Variants in HDAC9 observed in about 807,000 individuals in gnomAD.
HDAC9 encodes MEF-2 interacting transcription repressor (MITR) protein.
A neutral mutation model predicts 139.4 loss-of-function variants in HDAC9; 41 were observed. The observed-to-expected ratio is 0.29, with a 90% confidence interval of 0.23 to 0.38. The LOEUF is 0.38. Among genes scored for constraint, HDAC9 ranks in the 10% least tolerant of loss-of-function variants. The pLI, the probability that HDAC9 is intolerant of heterozygous loss-of-function variation, is 1.00. For synonymous variants in HDAC9, 517 were observed against 476.2 expected, an observed-to-expected ratio of 1.09 and a Z score of -1.12; for missense variants, 1,147 against 1,297.0, an observed-to-expected ratio of 0.88 and a Z score of 1.78.
intron 4 of HDAC9, among the ~76,000 whole-genome samples, chr7:18,591,237 T>A (rs927873095): frequency 1.3e-5 from 2 of 152,318 alleles, no homozygotes; most frequent in Non-Finnish European, 2.9e-5. Flanking sequence ...TTTTGGGAAT[T>A]CCCTCTTTGC....
chr7:18,848,392 G>C (rs1362456870), intron 21 of HDAC9, among the ~76,000 whole-genome samples: 4 of 152,016 alleles, frequency 2.6e-5, no homozygotes, highest in Non-Finnish European at 5.9e-5. Flanking sequence ...ATGGTGTTTG[G>C]AGCTGGGGCC....
chr7:18,087,510 A>G (rs1437959779), intron 1 of HDAC9, among the ~76,000 whole-genome samples: 2 of 152,150 alleles, frequency 1.3e-5, no homozygotes, highest in African/African-American at 2.4e-5. Flanking sequence ...CCCGCCCCCA[A>G]ACACACCCAG....
chr7:18,894,891 G>GA (rs1563031760), intron 22 of HDAC9, among the ~76,000 whole-genome samples: 1 of 152,096 alleles, frequency 6.6e-6, no homozygotes. Flanking sequence ...AGGAGCAGTT[G>GA]AAAAAGCAGA....
At chr7:18,152,312 G>A (rs1786841060) in intron 1 of HDAC9, among the ~76,000 whole-genome samples, 1 of 152,194 alleles carries the variant, frequency 6.6e-6, no homozygotes, top group African/African-American at 2.4e-5. Context: ...CTGAAGGTCA[G>A]AATGGTAAAT....
chr7:18,267,234 G>T (rs78841127), intron 2 of HDAC9, among the ~76,000 whole-genome samples: 6,011 of 152,128 alleles, frequency 0.04, 172 homozygotes, highest in Non-Finnish European at 0.058. Context: ...TGTATACATT[G>T]TGGTGCAGCT....
intron 6 of HDAC9, among the ~76,000 whole-genome samples, chr7:18,627,838 T>G (rs1842110859): frequency 2.0e-5 from 3 of 152,160 alleles, no homozygotes; most frequent in Non-Finnish European, 4.4e-5. Flanking sequence ...TTTTCAAGCA[T>G]AAAATCAGGT....
intron 1 of HDAC9, among the ~76,000 whole-genome samples, chr7:18,102,271 T>C (rs1782902158): frequency 6.6e-6 from 1 of 152,208 alleles, no homozygotes; most frequent in Non-Finnish European, 1.5e-5. Context: ...CCATATGTCG[T>C]AGGAATATGT....
chr7:18,409,295 G>A (rs1397612075), intron 1 of HDAC9, among the ~76,000 whole-genome samples: 1 of 152,102 alleles, frequency 6.6e-6, no homozygotes, highest in Admixed American at 6.5e-5. Flanking sequence ...AAGTTCCTGT[G>A]CTAGTAATAT....
rs58207150 is a variant in HDAC9 at position 18,769,877 on chromosome 7, G to A, written c.2214+2722G>A. On this transcript the variant is annotated intron_variant, in intron 16 of 25. Transcript: ENST00000686413. The stretch of plus-strand genomic sequence containing the variant: ...ATTACCGAAATGACTTTTGTCTTAA[G>A]GCATGGTTCTGTCTCAAATTACTTA... Among the ~76,000 whole-genome samples, 662 of 152,200 alleles carry A rather than the reference G, an allele frequency of 4.3e-3. 4 individuals are homozygous for A. The highest frequency in any genetic ancestry group is 0.015 in the African/African-American group (638 of 41,524).
chr7:18,125,601 C>A (rs777631564), intron 1 of HDAC9, among the ~76,000 whole-genome samples: 5 of 151,876 alleles, frequency 3.3e-5, no homozygotes, highest in Non-Finnish European at 7.4e-5. Flanking sequence ...GGATTACAGT[C>A]TGTGTTATCT....
chr7:18,595,676 C>T (rs1039407524), intron 6 of HDAC9, among the ~76,000 whole-genome samples: 1 of 152,008 alleles, frequency 6.6e-6, no homozygotes, highest in Non-Finnish European at 1.5e-5. Context: ...CAGAGAAAGA[C>T]TTCTATCCTG....
intron 1 of HDAC9, among the ~76,000 whole-genome samples, chr7:18,475,812 T>A (rs1254181504): frequency 2.0e-5 from 3 of 152,214 alleles, no homozygotes; most frequent in Admixed American, 6.5e-5. Context: ...AACAGCAAAA[T>A]ATCAGCAAAA....
intron 1 of HDAC9, among the ~76,000 whole-genome samples, chr7:18,153,048 A>G (rs1463998655): frequency 1.3e-5 from 2 of 152,128 alleles, no homozygotes; most frequent in Non-Finnish European, 2.9e-5. Flanking sequence ...GTTCTTTGGA[A>G]GGGGAGGAGG....
intron 1 of HDAC9, among the ~76,000 whole-genome samples, chr7:18,356,358 G>GTGTT (rs1554388609): frequency 1.8e-5 from 1 of 55,140 alleles, no homozygotes; most frequent in African/African-American, 7.1e-5. Flanking sequence ...CAGCACATAG[G>GTGTT]TTTTTTTTTT....
chr7:18,362,860 A>G (rs2128691436), intron 1 of HDAC9, among the ~76,000 whole-genome samples: 1 of 152,292 alleles, frequency 6.6e-6, no homozygotes, highest in Non-Finnish European at 1.5e-5. Context: ...AAGGTCAGAA[A>G]TATGCACTGT....
At chr7:18,699,895 A>G (rs1385459118) in intron 12 of HDAC9, among the ~76,000 whole-genome samples, 1 of 152,060 alleles carries the variant, frequency 6.6e-6, no homozygotes, top group Non-Finnish European at 1.5e-5. Flanking sequence ...TAAAATATGT[A>G]TATTTTTTAA....
rs1203989895 is a variant in HDAC9 at position 18,427,996 on chromosome 7, TGTGACTA to T, written c.-41-68263_-41-68257del. Among the ~76,000 whole-genome samples the T allele has an allele frequency of 3.3e-5, 5 of 152,216 alleles. No homozygotes were observed. In the East Asian group the frequency reaches 7.7e-4, roughly 23 times the overall value. ...TGGAATCATGCAGTATGTGTCCTTC[TGTGACTA>T]GTTTATTTCACTTAGCATAATGTCC... On this transcript the variant is annotated intron_variant, in intron 1 of 3. Coordinates refer to the HDAC9 transcript ENST00000413509.
intron 13 of HDAC9, among the ~76,000 whole-genome samples, chr7:18,728,702 T>C (rs997384787): frequency 6.6e-6 from 1 of 152,198 alleles, no homozygotes; most frequent in African/African-American, 2.4e-5. Flanking sequence ...CTTGTTTTTG[T>C]GGCTTCTGTG....
At chr7:18,705,724 G>A (rs1002031483) in intron 12 of HDAC9, among the ~76,000 whole-genome samples, 8 of 151,424 alleles carry the variant, frequency 5.3e-5, no homozygotes, top group Middle Eastern at 3.2e-3. Flanking sequence ...GCAGTGGCGC[G>A]TACCTGTAAT....
Sources: allele counts gnomAD v4.1 joint callset (sites outside exome capture counted in the v4.1 genomes callset), GRCh38; gene constraint gnomAD v4.1.1; transcripts MANE v1.5; gene names NCBI Gene and HGNC (gene_info 2026-07-23, HGNC 2026-07-21).